NR2F2: variants seen among roughly 807,000 people sequenced by gnomAD.
NR2F2 encodes the protein COUP transcription factor 2.
In NR2F2, 2 loss-of-function variants were observed where a neutral mutation model predicts 34.8. The ratio of observed to expected loss-of-function variants is 0.06; its 90% confidence interval spans 0.02 to 0.18. NR2F2 has a LOEUF of 0.18. Ranked by LOEUF, NR2F2 falls within the 10% of genes least tolerant of loss-of-function variation. The pLI is 1.00. For synonymous variants in NR2F2, 274 were observed against 251.8 expected (o/e 1.09, Z -0.84); for missense variants, 300 against 580.1 (o/e 0.52, Z 4.96).
Position 96,337,985 on chromosome 15 carries a change from GTCTT to G in NR2F2, c.*365_*368del, listed in dbSNP as rs951684918. 4 of 171,710 alleles carry G rather than the reference GTCTT, an allele frequency of 2.3e-5. No individual in the cohort carries two copies. Among genetic ancestry groups the G allele is most frequent in the African/African-American group, 9.5e-5 (4 of 41,912 alleles). The allele number at this position is 171,710 out of a possible 1,614,324, so 10.6% of individuals were successfully genotyped here. A position where few individuals can be genotyped will look rare whatever the true frequency, so the allele number is the denominator to read the frequency against. On this transcript the variant is annotated 3_prime_UTR_variant, in exon 3 of 3. Transcript: ENST00000394166. ...ACAATTAGCAGAATGGAGAAAGTAA[GTCTT>G]TTTTTTTTCCAAATTATTAATTGTC...
In NR2F2 at chr15:96,339,049, AC is replaced by A. The variant is rs34378246; in HGVS notation, c.*1432del. ...AAGTGCCATACTGATATAGTAAACC[AC>A]CCCCATTCACCTAATCCTCCTTTTA... On this transcript the variant is annotated 3_prime_UTR_variant, in exon 3 of 3. Coordinates refer to ENST00000394166, the MANE Select transcript of NR2F2 (RefSeq NM_021005.4). 2.7e-5 allele frequency: 4 copies of A among 150,384 alleles called. No individual in the cohort carries two copies. The highest frequency in any genetic ancestry group is 6.7e-5 in the Admixed American group (1 of 14,964). The allele number at this position is 150,384 out of a possible 1,614,324, so 9.3% of individuals were successfully genotyped here.
In NR2F2 at chr15:96,334,245, C is replaced by T. The variant is rs2141169124; in HGVS notation, c.612C>T (p.Asn204=). Residue 204 remains asparagine (N), a synonymous_variant, in exon 2 of 3, where the codon AAC becomes AAT. Transcript: ENST00000394166. ...SRFGSQCMQP[N]NIMGIENICE... ...TCGGCAGCCAATGCATGCAGCCCAA[C>T]AACATCATGGGTATCGAGAACATTT... is the stretch of plus-strand genomic sequence containing the variant. The T allele has an allele frequency of 6.2e-7, 1 of 1,614,232 alleles. No individual in the cohort carries two copies. Among genetic ancestry groups the T allele is most frequent in the Non-Finnish European group, 8.5e-7 (1 of 1,180,044 alleles).
Position 96,334,449 on chromosome 15 carries a change from C to G in NR2F2, c.816C>G (p.Ala272=), listed in dbSNP as rs76163938. The change falls in exon 2 of 3, where the codon GCC becomes GCG. Residue 272 remains alanine, a synonymous_variant. Transcript: ENST00000394166. ...MPLHVAPLLA[A]AGLHASPMSA... is the part of the protein sequence containing the mutation. ...TCCACGTCGCCCCGCTCCTGGCCGC[C>G]GCCGGCCTGCATGCTTCGCCCATGT... The G allele has an allele frequency of 3.5e-4, 558 of 1,613,804 alleles. 1 individual carries two copies. The highest frequency in any genetic ancestry group is 4.2e-4 in the Non-Finnish European group (501 of 1,179,978).
At chr15:96,333,546 C>T in intron 1 of NR2F2, 1 of 1,011,020 alleles carries the variant, frequency 9.9e-7, no homozygotes. Flanking sequence ...CCTCCGCTCT[C>T]TGCTTGTCTC....
At chr15:96,335,198 G>A (rs1197407978) in intron 2 of NR2F2, among the ~76,000 whole-genome samples, 3 of 152,240 alleles carry the variant, frequency 2.0e-5, no homozygotes, top group African/African-American at 7.2e-5. Flanking sequence ...GAAAGGGACC[G>A]TCATAACTCT....
Position 96,334,128 on chromosome 15 carries a change from G to A in NR2F2, c.495G>A (p.Ala165=), listed in dbSNP as rs377684959. 3.7e-6 allele frequency: 6 copies of A among 1,613,548 alleles called. No individual in the cohort carries two copies. In the African/African-American group the frequency reaches 5.3e-5, roughly 14 times the overall value. Residue 165 remains alanine (A), a synonymous_variant, in exon 2 of 3, where the codon GCG becomes GCA. Coordinates refer to ENST00000394166, the MANE Select transcript of NR2F2 (RefSeq NM_021005.4). The stretch of plus-strand genomic sequence containing the variant: ...CCCAGCCGACCCACGGGCAGTTCGC[G>A]CTGACCAACGGGGATCCCCTCAACT... ...PPTQPTHGQF[A]LTNGDPLNCH...
upstream of NR2F2, chr15:96,327,205 G>C (rs1372343807): frequency 6.6e-6 from 1 of 151,302 alleles, no homozygotes; most frequent in South Asian, 2.1e-4. Context: ...TCACCTCTTC[G>C]CCAGTGACTC....
intron 1 of NR2F2, chr15:96,333,740 A>G: frequency 7.7e-7 from 1 of 1,298,034 alleles, no homozygotes; most frequent in Non-Finnish European, 9.8e-7. Flanking sequence ...TCAGCTGTTT[A>G]GCAGTAAAGA....
chr15:96,331,635 CGAGAGTGAACGA>C lies in NR2F2; in HGVS notation c.-465_-454del. The stretch of plus-strand genomic sequence containing the variant: ...CTCGGCTGCACACCAGCTCTAAGAG[CGAGAGTGAACGA>C]GAGAGGGAGGGAGAGAGTGAGAGCG... On this transcript the variant is annotated 5_prime_UTR_variant, in exon 1 of 3. Transcript: ENST00000394166. 1 of 1,166,464 alleles carries C rather than the reference CGAGAGTGAACGA, an allele frequency of 8.6e-7. No individual in the cohort carries two copies. The highest frequency in any genetic ancestry group is 1.1e-6 in the Non-Finnish European group (1 of 931,550). 72.3% of individuals were successfully genotyped at this position (1,166,464 alleles called of 1,614,324 possible).
At position 96,331,173 on chromosome 15, in the gene NR2F2, C is replaced by T; in HGVS notation, c.-933C>T. 1.0e-6 allele frequency: 1 copy of T among 972,830 alleles called. No homozygotes were observed. The highest frequency in any genetic ancestry group is 4.6e-5 in the South Asian group (1 of 21,812). The allele number at this position is 972,830 out of a possible 1,614,324, so 60.3% of individuals were successfully genotyped here. A position where few individuals can be genotyped will look rare whatever the true frequency, so the allele number is the denominator to read the frequency against. On this transcript the variant is annotated 5_prime_UTR_variant, in exon 1 of 3. Transcript: ENST00000394166. The stretch of plus-strand genomic sequence containing the variant: ...CCGGCGGCTTCGGCGGCGGCTCCGG[C>T]GGCAGCGGCGGCCCGGGCGGCCCGC...
Position 96,331,810 on chromosome 15 carries a change from T to C in NR2F2, c.-296T>C, listed in dbSNP as rs1202154495. The C allele has an allele frequency of 5.2e-6, 6 of 1,162,758 alleles. No homozygotes were observed. Among genetic ancestry groups the C allele is most frequent in the Middle Eastern group, 3.4e-4 (1 of 2,928 alleles). 72.0% of individuals were successfully genotyped at this position (1,162,758 alleles called of 1,614,324 possible). ...GCTCTCCTGTCCCCTTCCCCTCCCC[T>C]CCCGGCGGAAAGCCCCCCGAAACCA... On this transcript the variant is annotated 5_prime_UTR_variant, in exon 1 of 3. Transcript: ENST00000394166.
rs112947772 is a variant in NR2F2, at chr15:96,334,705, A to C, written c.970+102A>C. 174 of 1,307,656 alleles carry C rather than the reference A, an allele frequency of 1.3e-4. 1 individual carries two copies. The African/African-American group carries it at 2.0e-3, about 15-fold the overall frequency. 81.0% of individuals were successfully genotyped at this position (1,307,656 alleles called of 1,614,324 possible). On this transcript the variant is annotated intron_variant, in intron 2 of 2. Transcript: ENST00000394166. ...AGGGCAAACCCAGTCTGCTCCTTGAAAGGCCAAACTGTTGAGTGCAACTTA... is the reference window on the plus strand; with the variant it reads ...AGGGCAAACCCAGTCTGCTCCTTGACAGGCCAAACTGTTGAGTGCAACTTA...
intron 2 of NR2F2, among the ~76,000 whole-genome samples, chr15:96,336,414 G>A (rs1044807342): frequency 3.3e-5 from 5 of 152,142 alleles, no homozygotes; most frequent in Admixed American, 2.0e-4. Context: ...TTGCATGTGT[G>A]TTCTGGTTCT....
At chr15:96,332,938 T>TC (rs1899193374) in intron 1 of NR2F2, among the ~76,000 whole-genome samples, 1 of 24,780 alleles carries the variant, frequency 4.0e-5, no homozygotes, top group Non-Finnish European at 7.1e-5. Context: ...GCCCCCACCC[T>TC]CTCAAAAAAA....
Position 96,332,031 on chromosome 15 carries a change from AC to A in NR2F2, c.-72del. On this transcript the variant is annotated 5_prime_UTR_variant, in exon 1 of 3. Transcript: ENST00000394166. ...AAAAGGCGGCGCGCCGGAGCCCGAG[AC>A]CCGGGGAGCCGCCGCCGCCCCGCCG... The A allele has an allele frequency of 8.2e-7, 1 of 1,220,706 alleles. No individual in the cohort carries two copies. Among genetic ancestry groups the A allele is most frequent in the Non-Finnish European group, 1.0e-6 (1 of 979,092 alleles). The allele number at this position is 1,220,706 out of a possible 1,614,324, so 75.6% of individuals were successfully genotyped here. A position where few individuals can be genotyped will look rare whatever the true frequency, so the allele number is the denominator to read the frequency against.
At chr15:96,328,932 T>C (rs1388213948), upstream of NR2F2, among the ~76,000 whole-genome samples, 1 of 152,212 alleles carries the variant, frequency 6.6e-6, no homozygotes, top group Admixed American at 6.5e-5. Flanking sequence ...TCTTTAGTCC[T>C]TACCTCATAT....
At chr15:96,327,162 C>A (rs1294853345), upstream of NR2F2, 1 of 147,504 alleles carries the variant, frequency 6.8e-6, no homozygotes, top group East Asian at 2.0e-4. Context: ...GTGAGGGGGA[C>A]GCACATAAAC....
upstream of NR2F2, among the ~76,000 whole-genome samples, chr15:96,330,400 T>TCGG (rs560453342): frequency 8.2e-4 from 118 of 143,476 alleles, no homozygotes; most frequent in South Asian, 0.013. Flanking sequence ...CATCCCCCTC[T>TCGG]CGGCGGCGGC....
At chr15:96,337,235 A>G in intron 2 of NR2F2, 113 bp from the exon 3 acceptor site, 6 of 1,267,046 alleles carry the variant, frequency 4.7e-6, no homozygotes, top group Non-Finnish European at 5.4e-6. Context: ...AGCTCTGTGC[A>G]CACACCTCAT....
Sources: allele counts gnomAD v4.1 joint callset (sites outside exome capture counted in the v4.1 genomes callset), GRCh38; gene constraint gnomAD v4.1.1; transcripts MANE v1.5; gene names NCBI Gene and HGNC (gene_info 2026-07-23, HGNC 2026-07-21).